Variants in XPO5 observed in about 807,000 individuals in gnomAD.
The protein encoded by XPO5 is exportin 5.
XPO5 carries 46 observed loss-of-function variants against 160.6 expected under a neutral mutation model. The ratio of observed to expected loss-of-function variants is 0.29; its 90% CI spans 0.23 to 0.37. The LOEUF (loss-of-function observed/expected upper bound fraction) is 0.37. Ranked by LOEUF, XPO5 falls within the 10% of genes least tolerant of loss-of-function variation. The pLI, the probability that XPO5 is intolerant of heterozygous loss-of-function variation, is 1.00. For synonymous variants in XPO5, 537 were observed against 519.3 expected (o/e 1.03, Z -0.46); for missense variants, 1,090 against 1,463.9 (o/e 0.74, Z 4.17).
At chr6:43,530,533 A>C in intron 23 of XPO5, 155 bp downstream of exon 23, 1 of 892,066 alleles carries the variant, frequency 1.1e-6, no homozygotes, top group Non-Finnish European at 1.6e-6. Flanking sequence ...TTTCCCTGCA[A>C]TCTGCCAGTG....
At chr6:43,532,668 C>T (rs372942367) in intron 21 of XPO5, among the ~76,000 whole-genome samples, 2 of 152,230 alleles carry the variant, frequency 1.3e-5, no homozygotes, top group Non-Finnish European at 1.5e-5. Flanking sequence ...AGTTCGTACT[C>T]ATCCTTCAAG....
intron 2 of XPO5, chr6:43,573,261 A>G: frequency 1.9e-6 from 1 of 522,074 alleles, no homozygotes; most frequent in Non-Finnish European, 3.2e-6. Flanking sequence ...TGAATGGGTA[A>G]TATGTACCAC....
rs1387615076 is a variant in XPO5 at position 43,546,658 on chromosome 6, C to T, written c.2255G>A (p.Gly752Asp). 6.2e-7 allele frequency: 1 copy of T among 1,613,692 alleles called. No homozygotes were observed. Among genetic ancestry groups the T allele is most frequent in the African/African-American group, 1.3e-5 (1 of 74,904 alleles). Residue 752 changes from glycine to aspartate, a missense_variant, in exon 20 of 32, where the codon GGT (glycine) becomes GAT (aspartate). Physicochemically the swap from Gly to Asp is moderately conservative, Grantham distance 94. Transcript: ENST00000265351. ...GATTGGATTTCCACTGGATGTATAACCCACCACAAATCCCCCAGCTTTGGC... is the reference window on the plus strand; with the variant it reads ...GATTGGATTTCCACTGGATGTATAATCCACCACAAATCCCCCAGCTTTGGC... ...EEAKAGGFVV[G>D]YTSSGNPIFR... is the part of the protein sequence containing the mutation.
intron 25 of XPO5, 119 bp from the exon 26 acceptor site, chr6:43,527,850 G>T: frequency 9.4e-7 from 1 of 1,067,516 alleles, no homozygotes; most frequent in Non-Finnish European, 1.4e-6. Flanking sequence ...TTCGTTTTAT[G>T]CAAAAGTTGG....
chr6:43,539,669 C>G, intron 20 of XPO5: 1 of 1,020,332 alleles, frequency 9.8e-7, no homozygotes, highest in Non-Finnish European at 1.5e-6. Context: ...ACCAGGGCCT[C>G]CAGGCCCCCC....
chr6:43,559,893 G>C (rs1036641441), intron 11 of XPO5, among the ~76,000 whole-genome samples: 1 of 151,940 alleles, frequency 6.6e-6, no homozygotes, highest in African/African-American at 2.4e-5. Context: ...TCAGCTCAAT[G>C]CAGCTTCAAC....
Position 43,531,454 on chromosome 6 carries a change from T to C in XPO5, c.2540+25A>G, listed in dbSNP as rs1260050946. 5 of 1,592,430 alleles carry C rather than the reference T, an allele frequency of 3.1e-6. No homozygotes were observed. In the African/African-American group the frequency reaches 4.0e-5, roughly 13 times the overall value. Reference sequence around the variant, plus strand: ...ACAATACATATCGAGGAAGAAAATATGGAGAGGCAGCATTGGTTCCTTACC... The same window carrying C: ...ACAATACATATCGAGGAAGAAAATACGGAGAGGCAGCATTGGTTCCTTACC... On this transcript the variant is annotated intron_variant, in intron 22 of 31. Transcript: ENST00000265351.
At chr6:43,565,568 TAAA>T (rs11362688) in intron 8 of XPO5, 89 bp downstream of exon 8, 1,762 of 978,728 alleles carry the variant, frequency 1.8e-3, no homozygotes, top group South Asian at 2.5e-3. Context: ...CATCTCAAAA[TAAA>T]AAAAAAAAAA....
At chr6:43,548,114 A>C (rs1343927560) in intron 18 of XPO5, 147 bp downstream of exon 18, 4 of 834,856 alleles carry the variant, frequency 4.8e-6, no homozygotes, top group Non-Finnish European at 3.6e-6. Flanking sequence ...ATTAAATTAC[A>C]AAAGACTGCT....
chr6:43,524,884 C>T lies in XPO5; in HGVS notation c.3259G>A (p.Asp1087Asn), dbSNP rs1265824264. Residue 1087 changes from aspartate (D) to asparagine (N), a missense_variant, in exon 30 of 32, where the codon GAC becomes AAC. Physicochemically the swap from Asp to Asn is conservative, Grantham distance 23 (BLOSUM62 1). Coordinates refer to ENST00000265351, the MANE Select transcript of XPO5 (RefSeq NM_020750.3). ...LKGLQMHGQH[D>N]GCMASLVHLA... ...TGGACCAGGGAAGCCATGCACCCGT[C>T]GTGCTGCCCGTGCATCTGTAAGCCT... The T allele has an allele frequency of 1.9e-6, 3 of 1,613,878 alleles. No individual in the cohort carries two copies. Among genetic ancestry groups the T allele is most frequent in the East Asian group, 2.2e-5 (1 of 44,900 alleles).
In XPO5 at chr6:43,526,686, G is replaced by A. The variant is rs201260819; in HGVS notation, c.2982C>T (p.Asp994=). The change falls in exon 27 of 32, where the codon GAC becomes GAT. Residue 994 remains aspartate, a splice_region_variant and synonymous_variant. Coordinates refer to ENST00000265351, the MANE Select transcript of XPO5 (RefSeq NM_020750.3). The part of the protein sequence containing the change: ...DHSSAPPADG[D]DEEMMATEVT... ...CCAAGGTCTCACAGGCTCACTTACCGTCTCCATCTGCTGGGGGAGCACTAC... is the reference window on the plus strand; with the variant it reads ...CCAAGGTCTCACAGGCTCACTTACCATCTCCATCTGCTGGGGGAGCACTAC... The A allele has an allele frequency of 6.6e-5, 107 of 1,613,760 alleles. No homozygotes were observed. Among genetic ancestry groups the A allele is most frequent in the African/African-American group, 9.3e-5 (7 of 74,922 alleles).
intron 20 of XPO5, among the ~76,000 whole-genome samples, chr6:43,542,189 G>A (rs1396013541): frequency 1.3e-5 from 2 of 151,966 alleles, no homozygotes; most frequent in Non-Finnish European, 2.9e-5. Flanking sequence ...GCTTTCCAGA[G>A]AAAACTGGAA....
At chr6:43,541,489 TC>T in intron 20 of XPO5, among the ~76,000 whole-genome samples, 1 of 152,242 alleles carries the variant, frequency 6.6e-6, no homozygotes, top group South Asian at 2.1e-4. Context: ...TTTAATACTT[TC>T]AAAGGGTTGC....
intron 20 of XPO5, chr6:43,538,720 G>C: frequency 2.1e-6 from 1 of 484,096 alleles, no homozygotes; most frequent in Non-Finnish European, 3.6e-6. Flanking sequence ...TCTGGTTTTG[G>C]TATCAAAATA....
intron 1 of XPO5, among the ~76,000 whole-genome samples, chr6:43,574,467 T>A (rs1017661924): frequency 1.3e-5 from 2 of 150,764 alleles, no homozygotes; most frequent in African/African-American, 4.9e-5. Flanking sequence ...CAAGTGGTGT[T>A]CACTCTATTT....
chr6:43,572,644 C>T, intron 2 of XPO5, 66 bp from the exon 3 acceptor site: 1 of 1,465,998 alleles, frequency 6.8e-7, no homozygotes, highest in East Asian at 2.3e-5. Context: ...AAGAGAATAG[C>T]ATGGATTTCT....
chr6:43,533,769 A>G, intron 21 of XPO5, 138 bp downstream of exon 21: 1 of 497,502 alleles, frequency 2.0e-6, no homozygotes, highest in East Asian at 4.6e-5. Flanking sequence ...CAAGAGTTTG[A>G]GCCTACAGTG....
At chr6:43,540,289 C>T (rs940992290) in intron 20 of XPO5, among the ~76,000 whole-genome samples, 1 of 152,172 alleles carries the variant, frequency 6.6e-6, no homozygotes, top group African/African-American at 2.4e-5. Flanking sequence ...ATCATCCTGG[C>T]TAATACGGTG....
intron 8 of XPO5, among the ~76,000 whole-genome samples, chr6:43,565,428 A>G (rs1466396525): frequency 6.6e-6 from 1 of 151,538 alleles, no homozygotes; most frequent in Non-Finnish European, 1.5e-5. Flanking sequence ...TTAGCCAGGC[A>G]TGGTGGTGCG....
Sources: gnomAD v4.1 joint callset for allele counts (sites outside exome capture counted in the v4.1 genomes callset) on GRCh38, gnomAD v4.1.1 for gene constraint, MANE v1.5 for transcripts, NCBI Gene and HGNC (gene_info 2026-07-23, HGNC 2026-07-21) for gene names.